Variants in HEATR1 observed in about 807,000 individuals in gnomAD.
HEATR1 encodes HEAT repeat-containing protein 1.
A neutral mutation model predicts 248.2 loss-of-function variants in HEATR1; 77 were observed. That is an observed-to-expected ratio of 0.31 (90% CI 0.26 to 0.37). The LOEUF is 0.37. HEATR1 is among the 10% of genes least tolerant of loss of function. The probability of loss-of-function intolerance (pLI) is 1.00; values close to 1 mark genes in which losing one functional copy is unlikely to be tolerated. For missense variants in HEATR1, 2,420 were observed against 2,504.9 expected (o/e 0.97, Z 0.72); for synonymous variants, 897 against 923.1 (o/e 0.97, Z 0.51).
intron 42 of HEATR1, among the ~76,000 whole-genome samples, chr1:236,554,229 TA>T (rs1180635039): frequency 2.0e-5 from 3 of 152,130 alleles, no homozygotes; most frequent in African/African-American, 7.2e-5. Context: ...TCATCCCTAC[TA>T]AAAATACAAA....
At chr1:236,602,569 A>G (rs1664355288) in intron 3 of HEATR1, among the ~76,000 whole-genome samples, 1 of 152,200 alleles carries the variant, frequency 6.6e-6, no homozygotes. Flanking sequence ...GCAGCTTAGT[A>G]CTCACTGCCT....
intron 37 of HEATR1, 83 bp from the exon 38 acceptor site, chr1:236,556,341 G>A: frequency 7.2e-7 from 1 of 1,387,076 alleles, no homozygotes; most frequent in Non-Finnish European, 1.0e-6. Context: ...TTCATGATGA[G>A]GTACTAGTGT....
Position 236,566,875 on chromosome 1 carries a change from G to A in HEATR1, c.4079C>T (p.Ser1360Phe). 1 of 1,606,172 alleles carries A rather than the reference G, an allele frequency of 6.2e-7. No individual in the cohort carries two copies. Residue 1360 changes from serine (S) to phenylalanine (F), a missense_variant and splice_region_variant, in exon 30 of 45, where the codon TCT becomes TTT. Physicochemically the swap from Ser to Phe is radical, Grantham distance 155. Coordinates refer to ENST00000366582, the MANE Select transcript of HEATR1 (RefSeq NM_018072.6). ...AACTTCTATAGAATCTCCACTATCAGACTGCAAAACAGCAAGCAGAGACAA... is the reference window on the plus strand; with the variant it reads ...AACTTCTATAGAATCTCCACTATCAAACTGCAAAACAGCAAGCAGAGACAA... ...VKMVIPALIQ[S>F]DSGDSIEVSR...
chr1:236,586,186 G>A (rs1183083069), intron 15 of HEATR1, 55 bp downstream of exon 15: 1 of 1,417,926 alleles, frequency 7.1e-7, no homozygotes, highest in African/African-American at 1.5e-5. Flanking sequence ...AATTTTCCTT[G>A]TTTTCTTTTG....
At chr1:236,563,981 G>A (rs1663205013) in intron 32 of HEATR1, among the ~76,000 whole-genome samples, 1 of 152,178 alleles carries the variant, frequency 6.6e-6, no homozygotes, top group African/African-American at 2.4e-5. Context: ...GCCAGATGTA[G>A]GTGGCACACG....
chr1:236,587,358 A>G (rs761080619), intron 14 of HEATR1, 44 bp downstream of exon 14: 6 of 931,204 alleles, frequency 6.4e-6, no homozygotes, highest in Middle Eastern at 3.5e-4. Flanking sequence ...TTGATATAAG[A>G]ACTTCATCAA....
At chr1:236,554,783 A>C (rs775062354) in intron 41 of HEATR1, 31 bp from the exon 42 acceptor site, 63 of 1,573,390 alleles carry the variant, frequency 4.0e-5, no homozygotes, top group Non-Finnish European at 4.8e-5. Flanking sequence ...AAAATGAAAA[A>C]ACACTGAACT....
chr1:236,592,690 C>A, intron 9 of HEATR1, 57 bp from the exon 10 acceptor site: 1 of 671,368 alleles, frequency 1.5e-6, no homozygotes, highest in Non-Finnish European at 2.6e-6. Context: ...TTATTGAGTA[C>A]CTACTATATT....
chr1:236,568,426 G>T (rs1051244362), intron 29 of HEATR1, among the ~76,000 whole-genome samples: 1 of 152,188 alleles, frequency 6.6e-6, no homozygotes, highest in Non-Finnish European at 1.5e-5. Context: ...ATTAACAAGT[G>T]AAGGGTACAT....
chr1:236,559,945 T>C lies in HEATR1; in HGVS notation c.4647-108A>G, dbSNP rs17287478. 1.7e-3 allele frequency: 2,035 copies of C among 1,188,374 alleles called. 23 individuals are homozygous for C. The Admixed American group carries it at 0.029, about 17-fold the overall frequency. 73.6% of individuals were successfully genotyped at this position (1,188,374 alleles called of 1,614,324 possible). On this transcript the variant is annotated intron_variant, in intron 33 of 44. Transcript: ENST00000366582. ...CAAGTAGAAAGACGAGTTAAATAATTCTGTACTAAATTATTTCAAAAACTA... is the reference window on the plus strand; with the variant it reads ...CAAGTAGAAAGACGAGTTAAATAATCCTGTACTAAATTATTTCAAAAACTA...
In HEATR1 at chr1:236,587,450, T is replaced by C. The variant is rs145749709; in HGVS notation, c.1667A>G (p.Asn556Ser). 2 of 1,542,074 alleles carry C rather than the reference T, an allele frequency of 1.3e-6. No homozygotes were observed. Among genetic ancestry groups the C allele is most frequent in the African/African-American group, 1.4e-5 (1 of 72,840 alleles). ...TGCTCTTTGAAAGAGATTCAGAAGA[T>C]TTGAAATCGTCACTTCTGAACTGAA... Reference protein sequence around the residue: ...EHFSSEVTISNLLNLFQRAEL... With the variant: ...EHFSSEVTISSLLNLFQRAEL... Residue 556 changes from asparagine (N) to serine (S), a missense_variant, in exon 14 of 45, where the codon AAT becomes AGT. Transcript: ENST00000366582.
intron 6 of HEATR1, 101 bp downstream of exon 6, chr1:236,596,735 A>G (rs1664186374): frequency 5.2e-6 from 6 of 1,155,362 alleles, no homozygotes; most frequent in Non-Finnish European, 4.9e-6. Context: ...CATCTGAAAT[A>G]AACTGTCAAT....
At position 236,571,615 on chromosome 1, in the gene HEATR1, A is replaced by C. The variant is rs762267730; in HGVS notation, c.3779T>G (p.Leu1260Arg). ...TGGAGATAGTTTTTGGCAGATGTTG[A>C]GCAGACAACTAAGAATTAATTGTTT... The part of the protein sequence containing the change: ...YTKQLILSCL[L>R]NICQKLSPDG... Residue 1260 changes from leucine to arginine, a missense_variant, in exon 27 of 45, where the codon CTC becomes CGC. Transcript: ENST00000366582. 3.7e-6 allele frequency: 6 copies of C among 1,614,138 alleles called. No individual in the cohort carries two copies. Among genetic ancestry groups the C allele is most frequent in the Non-Finnish European group, 2.5e-6 (3 of 1,179,934 alleles).
At position 236,566,787 on chromosome 1, in the gene HEATR1, G is replaced by T. The variant is rs143307751; in HGVS notation, c.4167C>A (p.His1389Gln). The T allele has an allele frequency of 6.2e-7, 1 of 1,614,094 alleles. No homozygotes were observed. Among genetic ancestry groups the T allele is most frequent in the Non-Finnish European group, 8.5e-7 (1 of 1,179,994 alleles). The change falls in exon 30 of 45, where the codon CAC (histidine) becomes CAA (glutamine). Residue 1389 changes from histidine to glutamine, a missense_variant. Coordinates refer to ENST00000366582, the MANE Select transcript of HEATR1 (RefSeq NM_018072.6). ...TGGGCAGGCGCCTGTGCTCCGGGAC[G>T]TGTGGCAGCGCATCCACAAATACAC... ...IISVFVDALP[H>Q]VPEHRRLPIL...
intron 17 of HEATR1, among the ~76,000 whole-genome samples, chr1:236,584,383 A>C (rs1381908403): frequency 6.6e-6 from 1 of 152,208 alleles, no homozygotes; most frequent in African/African-American, 2.4e-5. Context: ...GGCCATGATC[A>C]GAACTTATAA....
At chr1:236,560,052 C>G (rs1032228016) in intron 33 of HEATR1, among the ~76,000 whole-genome samples, 1 of 152,114 alleles carries the variant, frequency 6.6e-6, no homozygotes, top group Non-Finnish European at 1.5e-5. Flanking sequence ...GCAGAAGCAT[C>G]GACCTCGCTC....
At position 236,576,963 on chromosome 1, in the gene HEATR1, A is replaced by G. The variant is rs767101474; in HGVS notation, c.2756-14T>C. On this transcript the variant is annotated splice_polypyrimidine_tract_variant and intron_variant, in intron 20 of 44. Coordinates refer to ENST00000366582, the MANE Select transcript of HEATR1 (RefSeq NM_018072.6). ...AAGATGTCACCACTAAAATCAAAGGAAAAAAAAATTTAAGAAACAATTTTA... is the reference window on the plus strand; with the variant it reads ...AAGATGTCACCACTAAAATCAAAGGGAAAAAAAATTTAAGAAACAATTTTA... The G allele has an allele frequency of 4.2e-4, 642 of 1,529,268 alleles. No individual in the cohort carries two copies. The highest frequency in any genetic ancestry group is 5.4e-4 in the Non-Finnish European group (613 of 1,138,250). 94.7% of individuals were successfully genotyped at this position (1,529,268 alleles called of 1,614,324 possible).
intron 22 of HEATR1, among the ~76,000 whole-genome samples, 173 bp downstream of exon 22, chr1:236,576,046 T>A (rs1339591465): frequency 6.6e-6 from 1 of 152,172 alleles, no homozygotes; most frequent in Non-Finnish European, 1.5e-5. Context: ...TGTCTTTGTA[T>A]CTTGTATCTG....
At chr1:236,555,184 A>G (rs1662928557) in intron 41 of HEATR1, 112 bp downstream of exon 41, 16 of 1,099,908 alleles carry the variant, frequency 1.5e-5, no homozygotes, top group Middle Eastern at 2.9e-4. Context: ...TCCTTAGCTT[A>G]GGACTTAAGA....
Sources: gnomAD v4.1 joint callset for allele counts (sites outside exome capture counted in the v4.1 genomes callset) on GRCh38, gnomAD v4.1.1 for gene constraint, MANE v1.5 for transcripts, NCBI Gene and HGNC (gene_info 2026-07-23, HGNC 2026-07-21) for gene names.